The following RFTN1 variants were observed in gnomAD, a reference collection of about 807,000 sequenced individuals.
RFTN1 encodes raftlin.
RFTN1 carries 26 observed loss-of-function variants against 46.5 expected under a neutral mutation model. That is an observed-to-expected ratio of 0.56 (90% CI 0.41 to 0.78). The LOEUF is 0.78. Ranked by LOEUF, RFTN1 falls within the 30% of genes least tolerant of loss-of-function variation. The pLI is 0.00. For missense variants in RFTN1, 693 were observed against 718.7 expected, an observed-to-expected ratio of 0.96 and a Z score of 0.41; for synonymous variants, 261 against 284.2, an observed-to-expected ratio of 0.92 and a Z score of 0.82.
chr3:16,372,188 A>G (rs1380449466), intron 5 of RFTN1, among the ~76,000 whole-genome samples: 1 of 152,202 alleles, frequency 6.6e-6, no homozygotes, highest in Non-Finnish European at 1.5e-5. Flanking sequence ...GGAATGGGCA[A>G]CAGGAAGGAG....
At position 16,426,670 on chromosome 3, in the gene RFTN1, T is replaced by TGTGTGG. The variant is rs1287667529; in HGVS notation, c.332+7180_332+7181insCCACAC. ...TGGCAATGAAAGGATCGTGTGTGTG[T>TGTGTGG]GTGTGTGTGTGTGTGTGTGTGTGTG... On this transcript the variant is annotated intron_variant, in intron 3 of 9. Transcript: ENST00000334133. The surrounding 1 kb of genome is among the most constrained non-coding windows in gnomAD (Gnocchi z 5.9). Among the ~76,000 whole-genome samples the TGTGTGG allele has an allele frequency of 1.3e-5, 2 of 151,300 alleles. No individual in the cohort carries two copies. Among genetic ancestry groups the TGTGTGG allele is most frequent in the Non-Finnish European group, 3.0e-5 (2 of 67,778 alleles).
rs1175750386 is a variant in RFTN1 at position 16,377,891 on chromosome 3, T to C, written c.653A>G (p.Asn218Ser). ...GCCTGAGCTGGGCTCTGGGCTTTGG[T>C]TTCTCCCAGCCGGAGCACTGCACAC... ...GDVCSAPAGR[N>S]QSPEPSSGPR... Residue 218 changes from asparagine to serine, a missense_variant, in exon 5 of 10, where the codon AAC (asparagine) becomes AGC (serine). By Grantham distance (46) the Asn-to-Ser change is conservative. Coordinates refer to ENST00000334133, the MANE Select transcript of RFTN1 (RefSeq NM_015150.2). 6.2e-7 allele frequency: 1 copy of C among 1,614,200 alleles called. No individual in the cohort carries two copies.
chr3:16,399,067 T>G (rs1296623235), intron 4 of RFTN1, among the ~76,000 whole-genome samples: 1 of 152,242 alleles, frequency 6.6e-6, no homozygotes, highest in Non-Finnish European at 1.5e-5. Context: ...CTTTCTGATT[T>G]AACTATAAGT....
intron 8 of RFTN1, among the ~76,000 whole-genome samples, 197 bp downstream of exon 8, chr3:16,326,576 G>A (rs190285148): frequency 1.7e-3 from 252 of 152,296 alleles, no homozygotes; most frequent in African/African-American, 5.8e-3. Flanking sequence ...GGGAAGAGGG[G>A]TGCAGGGGAG....
At chr3:16,470,717 A>G (rs1377100702) in intron 2 of RFTN1, among the ~76,000 whole-genome samples, 3 of 152,212 alleles carry the variant, frequency 2.0e-5, no homozygotes, top group African/African-American at 7.2e-5. Context: ...CTTGTTTGCT[A>G]AAGCAAACAA....
intron 4 of RFTN1, among the ~76,000 whole-genome samples, chr3:16,388,485 CATTT>C (rs1342175411): frequency 1.3e-5 from 2 of 152,186 alleles, no homozygotes; most frequent in African/African-American, 4.8e-5. Flanking sequence ...AAAATATATT[CATTT>C]GAGATTCAGA....
rs370820242 is a variant in RFTN1 at position 16,345,788 on chromosome 3, C to CTGTGTGTGTGTGTGTGTGTGTGTGTG, written c.1146+12118_1146+12143dup. ...TGAGCCAAAACCTTATAATAAATCT[C>CTGTGTGTGTGTGTGTGTGTGTGTGTG]TGTGTGTGTGTGTGTGTGTGTGTGT... On this transcript the variant is annotated intron_variant, in intron 7 of 9. Transcript: ENST00000334133. This position sits in a 1 kb window ranked among gnomAD's most constrained non-coding sequence, Gnocchi z 5.2. Among the ~76,000 whole-genome samples, 33 of 127,246 alleles carry CTGTGTGTGTGTGTGTGTGTGTGTGTG rather than the reference C, an allele frequency of 2.6e-4. No individual in the cohort carries two copies. Among genetic ancestry groups the CTGTGTGTGTGTGTGTGTGTGTGTGTG allele is most frequent in the African/African-American group, 1.0e-3 (33 of 33,128 alleles). The allele number at this position is 127,246 out of a possible 152,430, so 83.5% of individuals were successfully genotyped here. A position where few individuals can be genotyped will look rare whatever the true frequency, so the allele number is the denominator to read the frequency against.
At chr3:16,445,517 A>G (rs2075713760) in intron 2 of RFTN1, among the ~76,000 whole-genome samples, 1 of 150,600 alleles carries the variant, frequency 6.6e-6, no homozygotes, top group African/African-American at 2.5e-5. Context: ...ACACACACAC[A>G]CACAGCTCTC....
intron 4 of RFTN1, among the ~76,000 whole-genome samples, chr3:16,397,835 G>A (rs559429383): frequency 2.6e-5 from 4 of 151,954 alleles, no homozygotes; most frequent in African/African-American, 7.2e-5. Flanking sequence ...AAAATAGAGC[G>A]GTATTTGGAG....
intron 6 of RFTN1, among the ~76,000 whole-genome samples, 164 bp from the exon 7 acceptor site, chr3:16,358,211 T>C (rs1451954318): frequency 7.2e-5 from 11 of 152,220 alleles, no homozygotes; most frequent in Admixed American, 7.2e-4. Context: ...AGAGTCTATC[T>C]AGCCCTATCA....
chr3:16,482,481 C>T (rs1308382815), intron 2 of RFTN1, among the ~76,000 whole-genome samples: 1 of 152,138 alleles, frequency 6.6e-6, no homozygotes, highest in Non-Finnish European at 1.5e-5. Context: ...TCACAGCCAA[C>T]CAAATCTCAA....
chr3:16,487,266 T>C (rs1210352158), intron 2 of RFTN1, among the ~76,000 whole-genome samples: 1 of 152,228 alleles, frequency 6.6e-6, no homozygotes, highest in Admixed American at 6.5e-5. Context: ...TGACCTTCAA[T>C]AAATATCTGT....
rs192735656 is a variant in RFTN1 at position 16,442,632 on chromosome 3, C to T, written c.146-8595G>A. Reference sequence around the variant, plus strand: ...ATTCCCTGAGCAGATCTCCAGTACGCGATGTTATTAGCTATAGTCCCCATG... The same window carrying T: ...ATTCCCTGAGCAGATCTCCAGTACGTGATGTTATTAGCTATAGTCCCCATG... On this transcript the variant is annotated intron_variant, in intron 2 of 9. Coordinates refer to ENST00000334133, the MANE Select transcript of RFTN1 (RefSeq NM_015150.2). The surrounding 1 kb of genome is among the most constrained non-coding windows in gnomAD (Gnocchi z 4.1). Among the ~76,000 whole-genome samples the T allele has an allele frequency of 3.7e-4, 56 of 152,158 alleles. 2 individuals carry two copies. Among genetic ancestry groups the T allele is most frequent in the Admixed American group, 3.0e-3 (46 of 15,284 alleles).
intron 6 of RFTN1, among the ~76,000 whole-genome samples, chr3:16,365,887 G>T (rs966897807): frequency 6.6e-6 from 1 of 152,174 alleles, no homozygotes; most frequent in Admixed American, 6.5e-5. Flanking sequence ...AGAAAAAAGG[G>T]CTCTTCTAGG....
At chr3:16,467,130 C>T (rs546813993) in intron 2 of RFTN1, among the ~76,000 whole-genome samples, 10 of 152,242 alleles carry the variant, frequency 6.6e-5, no homozygotes, top group East Asian at 3.9e-4. Context: ...AAATCATGAT[C>T]GTAGTCCACT....
chr3:16,370,349 T>C lies in RFTN1; in HGVS notation c.827-70A>G. ...ATGATAAAAATCTGTTTCATCGGCT[T>C]AAGTGGAATCTCTCAGGAGCCTGAA... On this transcript the variant is annotated intron_variant, in intron 5 of 9. Coordinates refer to ENST00000334133, the MANE Select transcript of RFTN1 (RefSeq NM_015150.2). This position sits in a 1 kb window ranked among gnomAD's most constrained non-coding sequence, Gnocchi z 5.5. 10 of 1,419,774 alleles carry C rather than the reference T, an allele frequency of 7.0e-6. No homozygotes were observed. The South Asian group carries it at 1.2e-4, about 16-fold the overall frequency. 87.9% of individuals were successfully genotyped at this position (1,419,774 alleles called of 1,614,324 possible).
chr3:16,377,787 C>G lies in RFTN1; in HGVS notation c.757G>C (p.Gly253Arg), dbSNP rs765769545. 5 of 1,614,050 alleles carry G rather than the reference C, an allele frequency of 3.1e-6. No homozygotes were observed. The East Asian group carries it at 8.9e-5, about 29-fold the overall frequency. Residue 253 changes from glycine to arginine, a missense_variant, in exon 5 of 10, where the codon GGG becomes CGG. Transcript: ENST00000334133. ...EGDGGELSPQ[G>R]VSKTLDGPES... Reference sequence around the variant, plus strand: ...GGTCCATCCAGTGTCTTGCTCACCCCCTGTGGTGAAAGTTCTCCACCATCT... The same window carrying G: ...GGTCCATCCAGTGTCTTGCTCACCCGCTGTGGTGAAAGTTCTCCACCATCT...
At chr3:16,494,300 C>T (rs2124994020) in intron 1 of RFTN1, among the ~76,000 whole-genome samples, 1 of 152,322 alleles carries the variant, frequency 6.6e-6, no homozygotes, top group Non-Finnish European at 1.5e-5. Flanking sequence ...ACTGTGGTTG[C>T]TAACACAGAA....
At chr3:16,439,705 TG>T (rs1469631021) in intron 2 of RFTN1, among the ~76,000 whole-genome samples, 1 of 152,034 alleles carries the variant, frequency 6.6e-6, no homozygotes, top group Non-Finnish European at 1.5e-5. Flanking sequence ...AAGGAGAGGC[TG>T]GAAGATACCC....
Sources: gnomAD v4.1 joint callset for allele counts (sites outside exome capture counted in the v4.1 genomes callset) on GRCh38, gnomAD v4.1.1 for gene constraint, Gnocchi (gnomAD v3.1) non-coding constraint, MANE v1.5 for transcripts, NCBI Gene and HGNC (gene_info 2026-07-23, HGNC 2026-07-21) for gene names.